The following NFIB variants were observed in gnomAD, a reference collection of about 807,000 sequenced individuals.
NFIB encodes the protein nuclear factor I B.
A neutral mutation model predicts 61.5 loss-of-function variants in NFIB; 11 were observed. The ratio of observed to expected loss-of-function variants is 0.18; its 90% CI spans 0.11 to 0.30. The LOEUF (loss-of-function observed/expected upper bound fraction) is 0.30, where lower values mean the gene tolerates loss of function less well. NFIB is among the 10% of genes least tolerant of loss of function. NFIB has a pLI of 1.00. For synonymous variants in NFIB, 260 were observed against 216.5 expected (o/e 1.20, Z -1.76); for missense variants, 471 against 608.9 (o/e 0.77, Z 2.38).
the NFIB span, among the ~76,000 whole-genome samples, chr9:14,483,444 G>C: frequency 6.6e-6 from 1 of 152,122 alleles, no homozygotes; most frequent in Non-Finnish European, 1.5e-5. Context: ...TATTAACTCT[G>C]GCACATTTCA....
At chr9:14,142,815 GA>G (rs1380248384) in intron 6 of NFIB, among the ~76,000 whole-genome samples, 6 of 152,124 alleles carry the variant, frequency 3.9e-5, no homozygotes, top group Admixed American at 3.3e-4. Context: ...TTTTAATAGA[GA>G]GAGAAGCAGT....
intron 2 of NFIB, among the ~76,000 whole-genome samples, chr9:14,302,151 T>G (rs2059785336): frequency 6.6e-6 from 1 of 152,250 alleles, no homozygotes. Context: ...GGGAAATACC[T>G]GCAGATGAAG....
the NFIB span, among the ~76,000 whole-genome samples, chr9:14,506,309 C>A: frequency 6.4e-4 from 98 of 152,206 alleles, no homozygotes; most frequent in African/African-American, 2.3e-3. Context: ...CATGGACCTG[C>A]CACCCATGAG....
intron 2 of NFIB, among the ~76,000 whole-genome samples, chr9:14,212,609 T>C (rs1326522604): frequency 1.3e-5 from 2 of 150,954 alleles, no homozygotes; most frequent in African/African-American, 2.4e-5. Context: ...ATTTAGGTAA[T>C]CATCTCAAAA....
At chr9:14,374,270 A>G (rs911746885) in intron 1 of NFIB, among the ~76,000 whole-genome samples, 5 of 152,140 alleles carry the variant, frequency 3.3e-5, no homozygotes, top group Admixed American at 3.3e-4. Context: ...CTCCTTCCCA[A>G]AGAAAAGAAG....
intron 6 of NFIB, among the ~76,000 whole-genome samples, chr9:14,130,720 C>G (rs572732986): frequency 8.4e-4 from 127 of 152,030 alleles, no homozygotes; most frequent in Non-Finnish European, 1.0e-4. Context: ...AGAGGTAAAG[C>G]AGGCACCGTG....
At chr9:14,266,038 A>G (rs775640634) in intron 2 of NFIB, among the ~76,000 whole-genome samples, 1 of 152,122 alleles carries the variant, frequency 6.6e-6, no homozygotes, top group Non-Finnish European at 1.5e-5. Flanking sequence ...TGGTGTGATG[A>G]CAGTAAAAAG....
chr9:14,427,838 G>A, the NFIB span, among the ~76,000 whole-genome samples: 1 of 150,978 alleles, frequency 6.6e-6, no homozygotes, highest in Non-Finnish European at 1.5e-5. Flanking sequence ...AATGCCTAAA[G>A]GGGATTTTTG....
At chr9:14,235,301 C>T (rs111342281) in intron 2 of NFIB, among the ~76,000 whole-genome samples, 1 of 152,206 alleles carries the variant, frequency 6.6e-6, no homozygotes, top group Non-Finnish European at 1.5e-5. Flanking sequence ...GAGGAGAATG[C>T]CTTTTGTGTT....
chr9:14,150,352 T>G (rs2042729682), intron 4 of NFIB, 87 bp from the exon 5 acceptor site: 1 of 1,585,572 alleles, frequency 6.3e-7, no homozygotes, highest in African/African-American at 1.3e-5. Flanking sequence ...CTTTCATGCC[T>G]CTGGTCAAAG....
chr9:14,122,306 C>T (rs1419491451), intron 7 of NFIB, among the ~76,000 whole-genome samples: 1 of 152,122 alleles, frequency 6.6e-6, no homozygotes, highest in African/African-American at 2.4e-5. Context: ...ATAGTCACGA[C>T]TTTGTTCTCT....
intron 2 of NFIB, among the ~76,000 whole-genome samples, chr9:14,272,204 A>G (rs78473524): frequency 3.9e-5 from 6 of 152,114 alleles, no homozygotes; most frequent in African/African-American, 1.4e-4. Flanking sequence ...TTTCCCCCAC[A>G]TATTTCTGGA....
At chr9:14,329,264 A>C (rs956515018) in intron 1 of NFIB, among the ~76,000 whole-genome samples, 5 of 152,192 alleles carry the variant, frequency 3.3e-5, no homozygotes, top group African/African-American at 9.7e-5. Flanking sequence ...TCCTGACTCT[A>C]AACAAGCACT....
At chr9:14,400,414 T>G (rs1349954014), upstream of NFIB, among the ~76,000 whole-genome samples, 11 of 152,182 alleles carry the variant, frequency 7.2e-5, no homozygotes, top group Non-Finnish European at 1.5e-4. Flanking sequence ...AAAAGCTACA[T>G]GTTTTTCCCG....
At chr9:14,089,817 A>AT (rs1281286649) in intron 10 of NFIB, among the ~76,000 whole-genome samples, 2 of 152,100 alleles carry the variant, frequency 1.3e-5, no homozygotes, top group Non-Finnish European at 1.5e-5. Context: ...ACAATTCTGA[A>AT]TTTTTTTTAA....
intron 2 of NFIB, among the ~76,000 whole-genome samples, chr9:14,260,446 A>C (rs1055053171): frequency 6.6e-6 from 1 of 152,224 alleles, no homozygotes. Flanking sequence ...TATGTAGCTT[A>C]TGTGAAACTC....
chr9:14,164,230 G>A (rs886975911), intron 3 of NFIB, among the ~76,000 whole-genome samples: 2 of 151,996 alleles, frequency 1.3e-5, no homozygotes, highest in Non-Finnish European at 1.5e-5. Context: ...AAATATACAA[G>A]TATAGTCATG....
chr9:14,255,659 T>C (rs1045957343), intron 2 of NFIB, among the ~76,000 whole-genome samples: 3 of 152,222 alleles, frequency 2.0e-5, no homozygotes, highest in Non-Finnish European at 2.9e-5. Context: ...TAAAAAAAGA[T>C]AATAAAAGTT....
At position 14,307,046 on chromosome 9, in the gene NFIB, T is replaced by C; in HGVS notation, c.505A>G (p.Ile169Val). The change falls in exon 2 of 11, where the codon ATC becomes GTC. Residue 169 changes from isoleucine to valine, a missense_variant. Coordinates refer to ENST00000380953, the MANE Select transcript of NFIB (RefSeq NM_001190737.2). This position sits in a 1 kb window ranked among gnomAD's most constrained non-coding sequence, Gnocchi z 5.3. ...TCAAGCTCCTTAACTGATACTGTGA[T>C]ATGATGTGGCTGGACACAAAGTGCT... Reference protein sequence around the residue: ...NPALCVQPHHITVSVKELDLF... With the variant: ...NPALCVQPHHVTVSVKELDLF... 3 of 1,614,234 alleles carry C rather than the reference T, an allele frequency of 1.9e-6. No individual in the cohort carries two copies. Among genetic ancestry groups the C allele is most frequent in the African/African-American group, 1.3e-5 (1 of 75,066 alleles).
Sources: allele counts gnomAD v4.1 joint callset (sites outside exome capture counted in the v4.1 genomes callset), GRCh38; gene constraint gnomAD v4.1.1; non-coding constraint Gnocchi (gnomAD v3.1); transcripts MANE v1.5; gene names NCBI Gene and HGNC (gene_info 2026-07-23, HGNC 2026-07-21).